Variants in VANGL2 observed in about 807,000 individuals in gnomAD.
VANGL2 encodes vang-like protein 2.
A neutral mutation model predicts 50.2 loss-of-function variants in VANGL2; 14 were observed. The ratio of observed to expected loss-of-function variants is 0.28; its 90% CI spans 0.18 to 0.44. VANGL2 has a LOEUF of 0.44. VANGL2 is among the 20% of genes least tolerant of loss of function. The pLI is 1.00. For synonymous variants in VANGL2, 295 were observed against 297.2 expected (o/e 0.99, Z 0.08); for missense variants, 533 against 701.5 (o/e 0.76, Z 2.71).
At chr1:160,421,998 AC>A (rs759201622) in intron 6 of VANGL2, among the ~76,000 whole-genome samples, 15 of 152,126 alleles carry the variant, frequency 9.9e-5, no homozygotes, top group Non-Finnish European at 8.8e-5. Context: ...AATTTAGTCA[AC>A]CCTGAAGAAT....
rs1651198061 is a variant in VANGL2 at position 160,419,648 on chromosome 1, G to C, written c.800+39G>C. The stretch of plus-strand genomic sequence containing the variant: ...GCTGGAGAAGGGTTGGGAGGGAAAG[G>C]GCATGGGAGGATGTGGAGTGACTGC... On this transcript the variant is annotated intron_variant, in intron 4 of 7. Transcript: ENST00000368061. The surrounding 1 kb of genome is among the most constrained non-coding windows in gnomAD (Gnocchi z 5.8). 6.3e-7 allele frequency: 1 copy of C among 1,594,366 alleles called. No individual in the cohort carries two copies. Among genetic ancestry groups the C allele is most frequent in the East Asian group, 2.2e-5 (1 of 44,766 alleles).
intron 6 of VANGL2, among the ~76,000 whole-genome samples, chr1:160,422,257 A>G (rs1195627929): frequency 6.6e-6 from 1 of 152,228 alleles, no homozygotes; most frequent in Non-Finnish European, 1.5e-5. Flanking sequence ...TGTCTTGGAA[A>G]TGGCCTGAGA....
intron 1 of VANGL2, among the ~76,000 whole-genome samples, chr1:160,407,866 G>A (rs566313406): frequency 6.6e-6 from 1 of 152,332 alleles, no homozygotes; most frequent in Non-Finnish European, 1.5e-5. Context: ...TCAAAGCCTG[G>A]TGGTGGAAAT....
At chr1:160,418,941 C>T in intron 3 of VANGL2, 61 bp from the exon 4 acceptor site, 2 of 1,548,518 alleles carry the variant, frequency 1.3e-6, no homozygotes, top group Non-Finnish European at 1.7e-6. Flanking sequence ...TCCTGTTTCC[C>T]TCCTCTTCCT....
rs545564142 is a variant in VANGL2, at chr1:160,409,143, G to A, written c.-190-6505G>A. On this transcript the variant is annotated intron_variant, in intron 1 of 7. Coordinates refer to ENST00000368061, the MANE Select transcript of VANGL2 (RefSeq NM_020335.3). ...CGGAGTCAGCAAATCCTCTCCTGTC[G>A]TGGCCCTCTTGCAGTTGTGGCTACT... Among the ~76,000 whole-genome samples the A allele has an allele frequency of 5.9e-5, 9 of 152,290 alleles. No homozygotes were observed. The South Asian group carries it at 1.5e-3, about 25-fold the overall frequency.
Position 160,419,359 on chromosome 1 carries a change from C to T in VANGL2, c.550C>T (p.Leu184=). 2.5e-6 allele frequency: 4 copies of T among 1,612,118 alleles called. No homozygotes were observed. The highest frequency in any genetic ancestry group is 3.4e-6 in the Non-Finnish European group (4 of 1,180,022). Residue 184 remains leucine, a synonymous_variant, in exon 4 of 8, where the codon CTG becomes TTG. Transcript: ENST00000368061. This position sits in a 1 kb window ranked among gnomAD's most constrained non-coding sequence, Gnocchi z 5.8. ...SLPRVFVLRA[L]LMVLVFLLVV... is the part of the protein sequence containing the mutation. ...GCCCCGCGTCTTTGTGCTGCGTGCCCTGCTTATGGTGCTGGTTTTCCTGCT... is the reference window on the plus strand; with the variant it reads ...GCCCCGCGTCTTTGTGCTGCGTGCCTTGCTTATGGTGCTGGTTTTCCTGCT...
chr1:160,427,925 CT>C lies in VANGL2; in HGVS notation c.*2550del. On this transcript the variant is annotated 3_prime_UTR_variant, in exon 8 of 8. Transcript: ENST00000368061. ...CTTTTCACCACCTCGGAACGCTTGC[CT>C]TTCCTCCCTCCACAACAGGACGCTG... is the stretch of plus-strand genomic sequence containing the variant. The C allele has an allele frequency of 6.5e-6, 1 of 152,962 alleles. No individual in the cohort carries two copies. The highest frequency in any genetic ancestry group is 1.5e-5 in the Non-Finnish European group (1 of 68,188). 9.5% of individuals were successfully genotyped at this position (152,962 alleles called of 1,614,324 possible). A position where few individuals can be genotyped will look rare whatever the true frequency, so the allele number is the denominator to read the frequency against.
intron 1 of VANGL2, among the ~76,000 whole-genome samples, chr1:160,411,239 G>A (rs1355845099): frequency 6.6e-6 from 1 of 151,812 alleles, no homozygotes; most frequent in East Asian, 1.9e-4. Flanking sequence ...GGGAAGTGGG[G>A]GGCAAGGTGA....
rs752839835 is a variant in VANGL2 at position 160,421,035 on chromosome 1, A to C, written c.938-17A>C. The C allele has an allele frequency of 2.5e-6, 4 of 1,613,978 alleles. No individual in the cohort carries two copies. Among genetic ancestry groups the C allele is most frequent in the Admixed American group, 1.7e-5 (1 of 60,016 alleles). On this transcript the variant is annotated splice_polypyrimidine_tract_variant and intron_variant, in intron 5 of 7. Coordinates refer to ENST00000368061, the MANE Select transcript of VANGL2 (RefSeq NM_020335.3). ...ACACTCTGATGTGACCATCTCCTCT[A>C]TCCTGTTCCTGTGCAGAAAACAGCA...
intron 6 of VANGL2, among the ~76,000 whole-genome samples, chr1:160,421,755 G>A (rs1651282912): frequency 6.6e-6 from 1 of 152,094 alleles, no homozygotes; most frequent in Admixed American, 6.5e-5. Flanking sequence ...GAAGTGGAGG[G>A]TATCTTTGAA....
At chr1:160,415,043 G>A (rs1651007795) in intron 1 of VANGL2, among the ~76,000 whole-genome samples, 1 of 152,146 alleles carries the variant, frequency 6.6e-6, no homozygotes, top group African/African-American at 2.4e-5. Flanking sequence ...CCTCACCTGG[G>A]GCTGTGCATA....
Position 160,415,782 on chromosome 1 carries a change from C to G in VANGL2, c.-56C>G. 6.3e-7 allele frequency: 1 copy of G among 1,582,202 alleles called. No homozygotes were observed. Among genetic ancestry groups the G allele is most frequent in the African/African-American group, 1.3e-5 (1 of 74,758 alleles). On this transcript the variant is annotated 5_prime_UTR_variant, in exon 2 of 8. Coordinates refer to ENST00000368061, the MANE Select transcript of VANGL2 (RefSeq NM_020335.3). ...CTGAAGGAGGTGGCTGTGGGGCCCC[C>G]CAAGAGGCCCCAGCCTGCGGCCCTG... is the stretch of plus-strand genomic sequence containing the variant.
At position 160,425,320 on chromosome 1, in the gene VANGL2, T is replaced by C. The variant is rs761595923; in HGVS notation, c.1508T>C (p.Phe503Ser). 3.1e-6 allele frequency: 5 copies of C among 1,613,176 alleles called. No homozygotes were observed. The Admixed American group carries it at 6.7e-5, about 22-fold the overall frequency. ...KVPFFKLSEE[F>S]VDPKSHKFVM... ...CCATTCTTCAAACTCTCCGAGGAAT[T>C]TGTGGATCCCAAGTCACACAAGTTT... The change falls in exon 8 of 8, where the codon TTT (phenylalanine) becomes TCT (serine). Residue 503 changes from phenylalanine to serine, a missense_variant. Transcript: ENST00000368061.
At chr1:160,401,159 C>T (rs1391109961) in intron 1 of VANGL2, among the ~76,000 whole-genome samples, 1 of 152,028 alleles carries the variant, frequency 6.6e-6, no homozygotes, top group Admixed American at 6.6e-5. Flanking sequence ...CTTTCCTGGG[C>T]CCGGGCGGGG....
rs529925650 is a variant in VANGL2, at chr1:160,420,607, C to T, written c.937+60C>T. ...CTTCCCAAGCAGGACTCCAAGTTCCCGCCTCTCTTTTACCCTTTGTCCCTT... is the reference window on the plus strand; with the variant it reads ...CTTCCCAAGCAGGACTCCAAGTTCCTGCCTCTCTTTTACCCTTTGTCCCTT... On this transcript the variant is annotated intron_variant, in intron 5 of 7. Transcript: ENST00000368061. 1.9e-5 allele frequency: 31 copies of T among 1,612,680 alleles called. No homozygotes were observed. The East Asian group carries it at 3.8e-4, about 20-fold the overall frequency.
chr1:160,419,310 C>T lies in VANGL2; in HGVS notation c.501C>T (p.Phe167=), dbSNP rs1489659764. The change falls in exon 4 of 8, where the codon TTC becomes TTT. Residue 167 remains phenylalanine, a synonymous_variant. Coordinates refer to ENST00000368061, the MANE Select transcript of VANGL2 (RefSeq NM_020335.3). The surrounding 1 kb of genome is among the most constrained non-coding windows in gnomAD (Gnocchi z 5.8). ...LILLLGSWAL[F]FRRPKASLPR... is the part of the protein sequence containing the mutation. Reference sequence around the variant, plus strand: ...TGCTACTGGGCAGCTGGGCTCTGTTCTTCCGCCGGCCCAAGGCCTCGCTGC... The same window carrying T: ...TGCTACTGGGCAGCTGGGCTCTGTTTTTCCGCCGGCCCAAGGCCTCGCTGC... 6.2e-7 allele frequency: 1 copy of T among 1,608,876 alleles called. No homozygotes were observed. The highest frequency in any genetic ancestry group is 2.2e-5 in the East Asian group (1 of 44,878).
intron 2 of VANGL2, 74 bp from the exon 3 acceptor site, chr1:160,415,988 A>T: frequency 6.2e-7 from 1 of 1,614,094 alleles, no homozygotes; most frequent in Non-Finnish European, 8.5e-7. Context: ...CAGGGGTGGT[A>T]GGGTAGAGTG....
At chr1:160,408,506 G>A (rs1167004804) in intron 1 of VANGL2, among the ~76,000 whole-genome samples, 1 of 152,134 alleles carries the variant, frequency 6.6e-6, no homozygotes. Flanking sequence ...ACTGGGGTCT[G>A]CTGGTGAGAA....
rs1376770995 is a variant in VANGL2 at position 160,428,545 on chromosome 1, A to T, written c.*3167A>T. ...AAAATGTAAATTTTTTTTAATATATAAAAAGCTTGTTTCTACAGTTTGCAG... is the reference window on the plus strand; with the variant it reads ...AAAATGTAAATTTTTTTTAATATATTAAAAGCTTGTTTCTACAGTTTGCAG... On this transcript the variant is annotated 3_prime_UTR_variant, in exon 8 of 8. Transcript: ENST00000368061. 6.6e-6 allele frequency: 1 copy of T among 152,484 alleles called. No homozygotes were observed. The highest frequency in any genetic ancestry group is 2.4e-5 in the African/African-American group (1 of 41,392). The allele number at this position is 152,484 out of a possible 1,614,324, so 9.4% of individuals were successfully genotyped here. A position where few individuals can be genotyped will look rare whatever the true frequency, so the allele number is the denominator to read the frequency against.
Sources: allele counts gnomAD v4.1 joint callset (sites outside exome capture counted in the v4.1 genomes callset), GRCh38; gene constraint gnomAD v4.1.1; non-coding constraint Gnocchi (gnomAD v3.1); transcripts MANE v1.5; gene names NCBI Gene and HGNC (gene_info 2026-07-23, HGNC 2026-07-21).